FBN1: variants seen among roughly 807,000 people sequenced by gnomAD.
FBN1 encodes the protein fibrillin 1.
Under a neutral mutation model 365.1 loss-of-function variants are expected in FBN1, and 29 were observed. The ratio of observed to expected loss-of-function variants is 0.08; its 90% CI spans 0.06 to 0.11. FBN1 has a LOEUF of 0.11. Ranked by LOEUF, FBN1 falls within the 10% of genes least tolerant of loss-of-function variation. The probability of loss-of-function intolerance (pLI) is 1.00; values close to 1 mark genes in which losing one functional copy is unlikely to be tolerated. For missense variants in FBN1, 2,476 were observed against 3,703.2 expected, an observed-to-expected ratio of 0.67 and a Z score of 8.60; for synonymous variants, 1,210 against 1,270.5, an observed-to-expected ratio of 0.95 and a Z score of 1.01.
chr15:48,504,209 T>C (rs1323326777), intron 16 of FBN1, among the ~76,000 whole-genome samples: 1 of 152,232 alleles, frequency 6.6e-6, no homozygotes, highest in Non-Finnish European at 1.5e-5. Flanking sequence ...CCTTCAATGC[T>C]GGAATTATAT....
chr15:48,596,556 G>C (rs1427202251), intron 5 of FBN1, among the ~76,000 whole-genome samples, 178 bp from the exon 6 acceptor site: 1 of 152,230 alleles, frequency 6.6e-6, no homozygotes, highest in Non-Finnish European at 1.5e-5. Context: ...CTTAGGTAAA[G>C]CTGCCTGGAA....
chr15:48,465,727 A>C (rs762743312), intron 39 of FBN1, 34 bp from the exon 40 acceptor site: 83 of 1,613,656 alleles, frequency 5.1e-5, no homozygotes, highest in Non-Finnish European at 6.9e-5. Context: ...TTCCTTTAGC[A>C]TTGTAAATAA....
In FBN1 at chr15:48,430,416, G is replaced by T. The variant is rs1299397726; in HGVS notation, c.6871+255C>A. Among the ~76,000 whole-genome samples the T allele has an allele frequency of 2.0e-5, 3 of 152,198 alleles. No individual in the cohort carries two copies. The East Asian group carries it at 5.8e-4, about 29-fold the overall frequency. Reference sequence around the variant, plus strand: ...AGTAAAGGAGGAGAATAGAGAAAAGGCATGCTGTTCAAATCCTGGCAGCAA... The same window carrying T: ...AGTAAAGGAGGAGAATAGAGAAAAGTCATGCTGTTCAAATCCTGGCAGCAA... On this transcript the variant is annotated intron_variant, in intron 56 of 65. Transcript: ENST00000316623.
intron 31 of FBN1, among the ~76,000 whole-genome samples, chr15:48,482,219 T>G (rs1421209492): frequency 6.6e-6 from 1 of 152,224 alleles, no homozygotes; most frequent in Non-Finnish European, 1.5e-5. Flanking sequence ...TTTTCCAAAT[T>G]AAAAATTATT....
At position 48,490,040 on chromosome 15, in the gene FBN1, C is replaced by G. The variant is rs748905831; in HGVS notation, c.2893G>C (p.Glu965Gln). ...LETCFLRYEDEECTLPIAGRH... is the reference protein window; with the variant it reads ...LETCFLRYEDQECTLPIAGRH... ...CCAGCAATAGGCAGGGTGCACTCCT[C>G]GTCCTCGTACCTCAGGAAGCAGGTT... Residue 965 changes from glutamate to glutamine, a missense_variant, in exon 25 of 66, where the codon GAG becomes CAG. Glu to Gln is a conservative substitution (Grantham distance 29). This residue lies in a region of FBN1 where 1,780 missense variants were observed against 2,840.8 expected (regional missense o/e 0.63). Coordinates refer to ENST00000316623, the MANE Select transcript of FBN1 (RefSeq NM_000138.5). The G allele has an allele frequency of 3.5e-5, 56 of 1,614,002 alleles. No individual in the cohort carries two copies. The highest frequency in any genetic ancestry group is 4.6e-5 in the Non-Finnish European group (54 of 1,180,024).
intron 17 of FBN1, among the ~76,000 whole-genome samples, chr15:48,502,704 T>C (rs1247469716): frequency 2.0e-5 from 3 of 152,252 alleles, no homozygotes; most frequent in Non-Finnish European, 2.9e-5. Context: ...CAGGACCTTT[T>C]GGATTATCTA....
At chr15:48,456,614 G>C (rs756792790) in intron 44 of FBN1, 23 bp downstream of exon 44, 1 of 1,612,200 alleles carries the variant, frequency 6.2e-7, no homozygotes, top group Non-Finnish European at 8.5e-7. Context: ...TTCTGGATAT[G>C]ATAAAGTCAT....
intron 32 of FBN1, among the ~76,000 whole-genome samples, chr15:48,479,011 T>C (rs966773232): frequency 6.6e-6 from 1 of 152,226 alleles, no homozygotes. Context: ...CATTAAACAA[T>C]AATCTATCTA....
At chr15:48,428,915 C>T (rs2043003916) in intron 56 of FBN1, among the ~76,000 whole-genome samples, 1 of 152,168 alleles carries the variant, frequency 6.6e-6, no homozygotes, top group Non-Finnish European at 1.5e-5. Context: ...TTCCCAGACA[C>T]CAAACTCCCC....
At chr15:48,577,629 C>T (rs979713456) in intron 6 of FBN1, among the ~76,000 whole-genome samples, 7 of 152,032 alleles carry the variant, frequency 4.6e-5, no homozygotes, top group Admixed American at 6.6e-5. Flanking sequence ...CTTAAATAAA[C>T]AAAGCCTGTT....
chr15:48,482,130 A>T (rs16960997), intron 31 of FBN1, among the ~76,000 whole-genome samples: 30,482 of 152,172 alleles, frequency 0.2, 3,403 homozygotes, highest in East Asian at 0.36. Flanking sequence ...GCATGATGAT[A>T]ACAATTTAGT....
At chr15:48,533,518 A>T (rs2043989687) in intron 8 of FBN1, among the ~76,000 whole-genome samples, 1 of 152,204 alleles carries the variant, frequency 6.6e-6, no homozygotes, top group African/African-American at 2.4e-5. Context: ...TATAAACTAA[A>T]TGTAAATATA....
intron 63 of FBN1, 62 bp downstream of exon 63, chr15:48,420,625 C>T (rs1036696763): frequency 6.2e-7 from 1 of 1,601,916 alleles, no homozygotes; most frequent in South Asian, 1.1e-5. Context: ...AGAAAGCAAG[C>T]AGTGTTTTGC....
chr15:48,613,171 T>A lies in FBN1; in HGVS notation c.165-79A>T, dbSNP rs867821981. The A allele has an allele frequency of 4.4e-5, 49 of 1,104,542 alleles. No individual in the cohort carries two copies. In the Middle Eastern group the frequency reaches 7.9e-4, roughly 18 times the overall value. 68.4% of individuals were successfully genotyped at this position (1,104,542 alleles called of 1,614,324 possible). A position where few individuals can be genotyped will look rare whatever the true frequency, so the allele number is the denominator to read the frequency against. On this transcript the variant is annotated intron_variant, in intron 2 of 65. Transcript: ENST00000316623. ...GATGGCCAAATAAAAGGAAAAAAAA[T>A]TCCTGAGTTATAAAAGCAAGATGAA...
At chr15:48,510,550 G>T (rs553047920) in intron 13 of FBN1, among the ~76,000 whole-genome samples, 7 of 152,066 alleles carry the variant, frequency 4.6e-5, no homozygotes, top group Non-Finnish European at 8.8e-5. Context: ...ATATTTTATA[G>T]CTATCTCAGA....
chr15:48,571,046 G>A (rs1353246900), intron 6 of FBN1, among the ~76,000 whole-genome samples: 2 of 152,170 alleles, frequency 1.3e-5, no homozygotes. Context: ...TAAACTAGCT[G>A]GAGGCTATTC....
intron 6 of FBN1, 81 bp from the exon 7 acceptor site, chr15:48,537,889 G>A: frequency 7.3e-7 from 1 of 1,375,932 alleles, no homozygotes; most frequent in Non-Finnish European, 1.0e-6. Flanking sequence ...GCTCCATCTT[G>A]CTTGACTCCA....
intron 45 of FBN1, among the ~76,000 whole-genome samples, chr15:48,450,222 T>G (rs2043190432): frequency 6.6e-6 from 1 of 152,162 alleles, no homozygotes; most frequent in South Asian, 2.1e-4. Flanking sequence ...GCCCAAAACT[T>G]TGGCACCTTC....
At chr15:48,631,440 T>C (rs537784128) in intron 2 of FBN1, among the ~76,000 whole-genome samples, 3 of 152,290 alleles carry the variant, frequency 2.0e-5, no homozygotes, top group African/African-American at 7.2e-5. Flanking sequence ...ATACTGACGC[T>C]ATGGAAAAGG....
Sources: allele counts gnomAD v4.1 joint callset (sites outside exome capture counted in the v4.1 genomes callset), GRCh38; gene constraint gnomAD v4.1.1; regional missense constraint gnomAD v4.1.1; transcripts MANE v1.5; gene names NCBI Gene and HGNC (gene_info 2026-07-23, HGNC 2026-07-21).